Variants in ITPR3 observed in about 807,000 individuals in gnomAD.
ITPR3 encodes the protein inositol 1,4,5-trisphosphate receptor type 3, also known as inositol 1,4,5-trisphosphate-gated calcium channel ITPR3.
In ITPR3, 173 loss-of-function variants were observed where a neutral mutation model predicts 293.2. The ratio of observed to expected loss-of-function variants is 0.59; its 90% CI spans 0.52 to 0.67. The LOEUF is 0.67. Ranked by LOEUF, ITPR3 falls within the 30% of genes least tolerant of loss-of-function variation. The pLI, the probability that ITPR3 is intolerant of heterozygous loss-of-function variation, is 0.00. For missense variants in ITPR3, 2,796 were observed against 3,592.1 expected (o/e 0.78, Z 5.66); for synonymous variants, 1,295 against 1,444.4 (o/e 0.90, Z 2.35).
chr6:33,693,258 G>A (rs3818527), intron 55 of ITPR3, among the ~76,000 whole-genome samples: 63,385 of 151,940 alleles, frequency 0.42, 15,658 homozygotes, highest in East Asian at 0.86. Flanking sequence ...GTAGGACCTC[G>A]CTCATTCAGC....
chr6:33,634,129 C>T (rs1278558972), intron 1 of ITPR3, among the ~76,000 whole-genome samples: 2 of 152,120 alleles, frequency 1.3e-5, no homozygotes, highest in Non-Finnish European at 2.9e-5. Context: ...CCAGAGATCA[C>T]CTTCATGGGA....
At chr6:33,693,041 G>A (rs1473027127) in intron 55 of ITPR3, 148 bp downstream of exon 55, 6 of 766,694 alleles carry the variant, frequency 7.8e-6, no homozygotes, top group Non-Finnish European at 1.3e-5. Context: ...CAGAACTGGG[G>A]AGAACATGAC....
At position 33,679,728 on chromosome 6, in the gene ITPR3, G is replaced by A. The variant is rs1028714137; in HGVS notation, c.3973-154G>A. On this transcript the variant is annotated intron_variant, in intron 30 of 57. Transcript: ENST00000605930. The surrounding 1 kb of genome is among the most constrained non-coding windows in gnomAD (Gnocchi z 4.2). ...TGGCAGAGGGCCTGAGACATCAGCT[G>A]GGGAACCCCCAAATCCCAGCCAGGG... 6.6e-6 allele frequency among the ~76,000 whole-genome samples: 1 copy of A among 152,100 alleles called. No individual in the cohort carries two copies. The highest frequency in any genetic ancestry group is 1.5e-5 in the Non-Finnish European group (1 of 68,022).
At chr6:33,648,735 G>C (rs1323880403) in intron 2 of ITPR3, among the ~76,000 whole-genome samples, 1 of 151,894 alleles carries the variant, frequency 6.6e-6, no homozygotes, top group African/African-American at 2.4e-5. Context: ...TGGATCACAG[G>C]TGCGTGTCAA....
intron 33 of ITPR3, among the ~76,000 whole-genome samples, 175 bp downstream of exon 33, chr6:33,680,855 C>T (rs1437033929): frequency 2.9e-5 from 4 of 137,112 alleles, no homozygotes; most frequent in African/African-American, 1.2e-4. Context: ...GAGTTTCACT[C>T]TGTCGCCCAG....
intron 43 of ITPR3, 98 bp downstream of exon 43, chr6:33,686,617 TGTGG>T: frequency 1.1e-6 from 1 of 927,828 alleles, no homozygotes; most frequent in Non-Finnish European, 1.8e-6. Context: ...TGGTGTGTAA[TGTGG>T]GTGTTAGCAT....
Position 33,655,973 on chromosome 6 carries a change from T to C in ITPR3, c.282+86T>C. 5 of 1,557,960 alleles carry C rather than the reference T, an allele frequency of 3.2e-6. No individual in the cohort carries two copies. The highest frequency in any genetic ancestry group is 1.4e-5 in the African/African-American group (1 of 73,594). ...CAGCGGTGCTGCTTGTCGGAGCCAGTAGGGGCTCTGTGGCTGAGCTGAGTG... is the reference window on the plus strand; with the variant it reads ...CAGCGGTGCTGCTTGTCGGAGCCAGCAGGGGCTCTGTGGCTGAGCTGAGTG... On this transcript the variant is annotated intron_variant, in intron 3 of 57. Coordinates refer to ENST00000605930, the MANE Select transcript of ITPR3 (RefSeq NM_002224.4). This position sits in a 1 kb window ranked among gnomAD's most constrained non-coding sequence, Gnocchi z 4.9.
chr6:33,694,703 GTCA>G, intron 56 of ITPR3: 2 of 553,978 alleles, frequency 3.6e-6, no homozygotes, highest in Admixed American at 6.8e-5. Context: ...CCTAACGGAA[GTCA>G]GCCTGTCTCG....
intron 23 of ITPR3, 123 bp from the exon 24 acceptor site, chr6:33,674,085 G>T: frequency 8.2e-7 from 1 of 1,217,994 alleles, no homozygotes. Flanking sequence ...TCCCAGAAAG[G>T]GGCAGGCAGA....
chr6:33,685,561 G>A (rs1309461466), intron 40 of ITPR3, 28 bp downstream of exon 40: 11 of 1,604,512 alleles, frequency 6.9e-6, no homozygotes, highest in African/African-American at 2.7e-5. Flanking sequence ...GAGGCACGGC[G>A]TGACGGGGAT....
intron 1 of ITPR3, among the ~76,000 whole-genome samples, chr6:33,629,875 G>A (rs1763633949): frequency 6.6e-6 from 1 of 151,690 alleles, no homozygotes; most frequent in Admixed American, 6.6e-5. Flanking sequence ...GGCGGATCAC[G>A]AGGTCAAGAG....
At position 33,672,309 on chromosome 6, in the gene ITPR3, G is replaced by A. The variant is rs1169737679; in HGVS notation, c.2928+81G>A. 21 of 1,263,944 alleles carry A rather than the reference G, an allele frequency of 1.7e-5. No individual in the cohort carries two copies. Among genetic ancestry groups the A allele is most frequent in the Non-Finnish European group, 2.0e-5 (18 of 886,052 alleles). 78.3% of individuals were successfully genotyped at this position (1,263,944 alleles called of 1,614,324 possible). On this transcript the variant is annotated intron_variant, in intron 22 of 57. Coordinates refer to ENST00000605930, the MANE Select transcript of ITPR3 (RefSeq NM_002224.4). The surrounding 1 kb of genome is among the most constrained non-coding windows in gnomAD (Gnocchi z 5.0). The stretch of plus-strand genomic sequence containing the variant: ...CGGGTACAGGGAGGCTGGGCAGGGC[G>A]AACCCCTTCAGATCTCAGTATTTAG...
rs917756314 is a variant in ITPR3, at chr6:33,672,020, C to T, written c.2729-9C>T. ...TCCTTGGCAACCTCCTCTGCTTCCC[C>T]CTCCACAGGCAAGAATGTGCGGCGG... On this transcript the variant is annotated splice_polypyrimidine_tract_variant and intron_variant, in intron 21 of 57. Coordinates refer to ENST00000605930, the MANE Select transcript of ITPR3 (RefSeq NM_002224.4). The surrounding 1 kb of genome is among the most constrained non-coding windows in gnomAD (Gnocchi z 5.0). 26 of 1,590,898 alleles carry T rather than the reference C, an allele frequency of 1.6e-5. No homozygotes were observed. Among genetic ancestry groups the T allele is most frequent in the Non-Finnish European group, 2.2e-5 (26 of 1,166,830 alleles).
rs1764622266 is a variant in ITPR3, at chr6:33,666,846, A to T, written c.1552-283A>T. On this transcript the variant is annotated intron_variant, in intron 14 of 57. Coordinates refer to ENST00000605930, the MANE Select transcript of ITPR3 (RefSeq NM_002224.4). The surrounding 1 kb of genome is among the most constrained non-coding windows in gnomAD (Gnocchi z 5.1). ...CTTAGCCTTAGACCCTGAGCTGCCGAGACCCTCTGCTCCTCCCCCAGGCCC... is the reference window on the plus strand; with the variant it reads ...CTTAGCCTTAGACCCTGAGCTGCCGTGACCCTCTGCTCCTCCCCCAGGCCC... 6.6e-6 allele frequency among the ~76,000 whole-genome samples: 1 copy of T among 152,164 alleles called. No homozygotes were observed. The highest frequency in any genetic ancestry group is 6.5e-5 in the Admixed American group (1 of 15,284).
At chr6:33,640,444 G>A (rs368007181) in intron 1 of ITPR3, 40 bp from the exon 2 acceptor site, 2 of 1,595,072 alleles carry the variant, frequency 1.3e-6, no homozygotes, top group South Asian at 1.1e-5. Flanking sequence ...TGGGAGATAG[G>A]TCTCTTCTCT....
chr6:33,672,687 C>T lies in ITPR3; in HGVS notation c.2928+459C>T, dbSNP rs1387433096. On this transcript the variant is annotated intron_variant, in intron 22 of 57. Coordinates refer to ENST00000605930, the MANE Select transcript of ITPR3 (RefSeq NM_002224.4). This position sits in a 1 kb window ranked among gnomAD's most constrained non-coding sequence, Gnocchi z 5.0. ...GTTGTGACAAACCCTCCAGGTGATTCTGAGGTGCACTGAAGTCTAGTTCAA... is the reference window on the plus strand; with the variant it reads ...GTTGTGACAAACCCTCCAGGTGATTTTGAGGTGCACTGAAGTCTAGTTCAA... Among the ~76,000 whole-genome samples, 1 of 152,146 alleles carries T rather than the reference C, an allele frequency of 6.6e-6. No homozygotes were observed. Among genetic ancestry groups the T allele is most frequent in the East Asian group, 1.9e-4 (1 of 5,200 alleles).
chr6:33,671,775 C>G (rs1764773953), intron 21 of ITPR3, among the ~76,000 whole-genome samples: 1 of 152,094 alleles, frequency 6.6e-6, no homozygotes, highest in Admixed American at 6.5e-5. Context: ...TCATGGTTTC[C>G]TACAGAAAAT....
chr6:33,691,945 A>T lies in ITPR3; in HGVS notation c.7458+17A>T, dbSNP rs376642716. ...TCCAAAGATGTGAGCACTCCTGCCCACTCCCAAACCTGTGGGGCCCAAGCC... is the reference window on the plus strand; with the variant it reads ...TCCAAAGATGTGAGCACTCCTGCCCTCTCCCAAACCTGTGGGGCCCAAGCC... On this transcript the variant is annotated intron_variant, in intron 54 of 57. Transcript: ENST00000605930. This position sits in a 1 kb window ranked among gnomAD's most constrained non-coding sequence, Gnocchi z 4.9. The T allele has an allele frequency of 6.2e-7, 1 of 1,613,142 alleles. No individual in the cohort carries two copies. The highest frequency in any genetic ancestry group is 8.5e-7 in the Non-Finnish European group (1 of 1,179,932).
chr6:33,673,980 G>T (rs1191269894), intron 23 of ITPR3, among the ~76,000 whole-genome samples: 1 of 152,214 alleles, frequency 6.6e-6, no homozygotes, highest in Non-Finnish European at 1.5e-5. Context: ...GCCAGACCGG[G>T]ATCTGGTCTC....
Sources: allele counts gnomAD v4.1 joint callset (sites outside exome capture counted in the v4.1 genomes callset), GRCh38; gene constraint gnomAD v4.1.1; non-coding constraint Gnocchi (gnomAD v3.1); transcripts MANE v1.5; gene names NCBI Gene and HGNC (gene_info 2026-07-23, HGNC 2026-07-21).